The following RNF135 variants were observed in gnomAD, a reference collection of about 807,000 sequenced individuals.
The protein encoded by RNF135 is ring finger protein 135.
A neutral mutation model predicts 41.9 loss-of-function variants in RNF135; 46 were observed. The ratio of observed to expected loss-of-function variants is 1.10; its 90% CI spans 0.87 to 1.40. RNF135 has a LOEUF of 1.40. RNF135 is among the 40% of genes most tolerant of loss of function. RNF135 has a pLI of 0.00. For missense variants in RNF135, 539 were observed against 549.8 expected (o/e 0.98, Z 0.20); for synonymous variants, 238 against 223.8 (o/e 1.06, Z -0.57).
At chr17:30,979,232 G>C (rs1906750542) in intron 1 of RNF135, 2 of 145,508 alleles carry the variant, frequency 1.4e-5, no homozygotes, top group African/African-American at 2.9e-5. Flanking sequence ...TGGCCGGGCG[G>C]GGGGCTGACC....
In RNF135 at chr17:30,998,895, AGCC is replaced by A; in HGVS notation, c.1006_1008del (p.Arg336del). 1 of 1,611,414 alleles carries A rather than the reference AGCC, an allele frequency of 6.2e-7. No individual in the cohort carries two copies. The highest frequency in any genetic ancestry group is 8.5e-7 in the Non-Finnish European group (1 of 1,178,202). On this transcript the variant is annotated inframe_deletion, in exon 5 of 5. Coordinates refer to ENST00000328381, the MANE Select transcript of RNF135 (RefSeq NM_032322.4). ...AGTTGGGGTGGCTTCCTGGGAGATG[AGCC>A]GCGACCAGGTCCTGGGAAGGACTAT...
intron 1 of RNF135, chr17:30,979,000 T>G (rs1437915114): frequency 6.6e-5 from 13 of 195,500 alleles, no homozygotes; most frequent in Admixed American, 2.6e-4. Flanking sequence ...GTCTCCCATG[T>G]CTACTTCTAT....
chr17:30,990,354 C>T (rs532282946), intron 3 of RNF135, among the ~76,000 whole-genome samples: 1 of 152,212 alleles, frequency 6.6e-6, no homozygotes, highest in African/African-American at 2.4e-5. Flanking sequence ...GAAACCCCGT[C>T]TCTACTAAAA....
At chr17:30,967,857 A>C (rs762141274), upstream of RNF135, among the ~76,000 whole-genome samples, 16 of 151,922 alleles carry the variant, frequency 1.1e-4, no homozygotes, top group Non-Finnish European at 2.2e-4. Context: ...GCCTGCAACT[A>C]CGCCCAGCTA....
intron 1 of RNF135, 149 bp from the exon 2 acceptor site, chr17:30,984,468 G>A (rs1907440937): frequency 1.3e-6 from 1 of 793,204 alleles, no homozygotes; most frequent in Admixed American, 2.2e-5. Context: ...ATATATGTGA[G>A]AGTTTATTTC....
chr17:30,974,815 G>T (rs1906296874), intron 1 of RNF135, among the ~76,000 whole-genome samples: 1 of 151,770 alleles, frequency 6.6e-6, no homozygotes, highest in Non-Finnish European at 1.5e-5. Flanking sequence ...GAGTAGCTGG[G>T]GTTACAGGTG....
At chr17:30,966,738 C>G (rs1318417998), upstream of RNF135, among the ~76,000 whole-genome samples, 3 of 151,120 alleles carry the variant, frequency 2.0e-5, no homozygotes, top group African/African-American at 7.3e-5. Flanking sequence ...ATCTCTTGAC[C>G]TCGTGATCCA....
chr17:30,981,195 C>CA lies in RNF135; in HGVS notation c.373-3413dup, dbSNP rs1214218687. Among the ~76,000 whole-genome samples the CA allele has an allele frequency of 9.5e-4, 139 of 146,626 alleles. 1 individual carries two copies. Among genetic ancestry groups the CA allele is most frequent in the Admixed American group, 4.7e-3 (70 of 14,848 alleles). ...CAACACAGCGAAACCCCGTCTCCACCAAAAAAAAACGAAAACCAGTCAGGC... is the reference window on the plus strand; with the variant it reads ...CAACACAGCGAAACCCCGTCTCCACCAAAAAAAAAACGAAAACCAGTCAGGC... On this transcript the variant is annotated intron_variant, in intron 1 of 4. Transcript: ENST00000328381.
the RNF135 span, among the ~76,000 whole-genome samples, chr17:30,964,646 T>A: frequency 6.6e-6 from 1 of 151,818 alleles, no homozygotes; most frequent in Non-Finnish European, 1.5e-5. Context: ...TGTGCCTTAT[T>A]TCATCCAGCA....
Position 30,997,233 on chromosome 17 carries a change from G to A in RNF135, c.680-9G>A, listed in dbSNP as rs765226315. On this transcript the variant is annotated splice_polypyrimidine_tract_variant and intron_variant, in intron 3 of 4. Coordinates refer to ENST00000328381, the MANE Select transcript of RNF135 (RefSeq NM_032322.4). ...GGGACTTTCCTCTGTTAATTTTTTT[G>A]TTACTTAGGAGAACTCCTGGAAGCC... 7 of 1,612,152 alleles carry A rather than the reference G, an allele frequency of 4.3e-6. No individual in the cohort carries two copies. Among genetic ancestry groups the A allele is most frequent in the South Asian group, 3.3e-5 (3 of 91,030 alleles).
upstream of RNF135, chr17:30,970,931 G>C (rs1274150197): frequency 8.6e-7 from 1 of 1,169,258 alleles, no homozygotes; most frequent in African/African-American, 1.6e-5. Flanking sequence ...ATCGGAGGAA[G>C]GAGACGGGGT....
chr17:30,983,173 ACTTGGGTTGC>A (rs1420203182), intron 1 of RNF135, among the ~76,000 whole-genome samples: 2 of 151,412 alleles, frequency 1.3e-5, no homozygotes. Flanking sequence ...GTCTGCAGAT[ACTTGGGTTGC>A]TTCCATGTTT....
At chr17:30,979,775 C>T (rs1906883431) in intron 1 of RNF135, among the ~76,000 whole-genome samples, 1 of 130,244 alleles carries the variant, frequency 7.7e-6, no homozygotes, top group Admixed American at 7.2e-5. Context: ...CCCCCCTCCC[C>T]CCTCCCGGAC....
chr17:30,975,549 T>TA (rs1906370339), intron 1 of RNF135: 4 of 782,142 alleles, frequency 5.1e-6, no homozygotes, highest in Non-Finnish European at 9.5e-6. Flanking sequence ...AAAATAGACA[T>TA]ACACCCAACA....
chr17:30,973,912 A>G (rs1906216165), intron 1 of RNF135, among the ~76,000 whole-genome samples: 1 of 152,202 alleles, frequency 6.6e-6, no homozygotes, highest in Non-Finnish European at 1.5e-5. Flanking sequence ...TGAAGAGTCT[A>G]TTCTCCATTG....
intron 3 of RNF135, among the ~76,000 whole-genome samples, chr17:30,991,602 T>A (rs1473640104): frequency 6.6e-6 from 1 of 151,746 alleles, no homozygotes; most frequent in East Asian, 2.0e-4. Context: ...CTTTTAGAGA[T>A]GGGGTTTCAC....
the RNF135 span, among the ~76,000 whole-genome samples, chr17:30,962,689 C>T: frequency 3.4e-5 from 5 of 148,336 alleles, no homozygotes; most frequent in African/African-American, 5.0e-5. Context: ...TGGTCTCAAT[C>T]TCCAGAATTC....
intron 2 of RNF135, among the ~76,000 whole-genome samples, chr17:30,985,305 C>T (rs1907508187): frequency 6.6e-6 from 1 of 152,204 alleles, no homozygotes; most frequent in East Asian, 1.9e-4. Flanking sequence ...CAAATAATAG[C>T]TCCAGGCTGG....
chr17:30,978,434 CTCT>C (rs372541695), intron 1 of RNF135, among the ~76,000 whole-genome samples: 10 of 151,796 alleles, frequency 6.6e-5, no homozygotes, highest in African/African-American at 1.9e-4. Context: ...TTTCTTTTGT[CTCT>C]TCTTACTGTG....
Sources: gnomAD v4.1 joint callset for allele counts (sites outside exome capture counted in the v4.1 genomes callset) on GRCh38, gnomAD v4.1.1 for gene constraint, MANE v1.5 for transcripts, NCBI Gene and HGNC (gene_info 2026-07-23, HGNC 2026-07-21) for gene names.